PTPN2: variants seen among roughly 807,000 people sequenced by gnomAD.
PTPN2 encodes the protein tyrosine-protein phosphatase non-receptor type 2.
In PTPN2, 19 loss-of-function variants were observed where a neutral mutation model predicts 57.3. The observed-to-expected ratio is 0.33, with a 90% CI of 0.23 to 0.49. The LOEUF is 0.49. Ranked by LOEUF, PTPN2 falls within the 20% of genes least tolerant of loss-of-function variation. The pLI is 0.99. For synonymous variants in PTPN2, 153 were observed against 164.9 expected (o/e 0.93, Z 0.55); for missense variants, 358 against 501.1 (o/e 0.71, Z 2.73).
At chr18:12,877,607 T>C (rs1418581297) in intron 1 of PTPN2, among the ~76,000 whole-genome samples, 1 of 152,194 alleles carries the variant, frequency 6.6e-6, no homozygotes, top group Non-Finnish European at 1.5e-5. Context: ...GCTGCCCCGC[T>C]GTAAGTATGA....
intron 2 of PTPN2, among the ~76,000 whole-genome samples, chr18:12,853,197 T>A (rs1237477205): frequency 6.6e-6 from 1 of 152,238 alleles, no homozygotes; most frequent in African/African-American, 2.4e-5. Flanking sequence ...TCACCCAAGC[T>A]GGAGTGCACT....
At chr18:12,875,964 A>G (rs563254843) in intron 1 of PTPN2, among the ~76,000 whole-genome samples, 1 of 152,306 alleles carries the variant, frequency 6.6e-6, no homozygotes, top group African/African-American at 2.4e-5. Flanking sequence ...CCCCAGCATT[A>G]TGGAAGGGTG....
intron 2 of PTPN2, among the ~76,000 whole-genome samples, chr18:12,846,731 G>A (rs1055870982): frequency 4.6e-5 from 7 of 152,138 alleles, no homozygotes; most frequent in East Asian, 1.9e-4. Flanking sequence ...ATCAGCTATC[G>A]CTGCTCTCAA....
chr18:12,824,931 A>T (rs641085), intron 5 of PTPN2, among the ~76,000 whole-genome samples: 54,440 of 151,992 alleles, frequency 0.36, 11,276 homozygotes, highest in Middle Eastern at 0.47. Flanking sequence ...ATTAAAAAAA[A>T]ATAAGAAAAT....
At chr18:12,864,540 T>C (rs943463415) in intron 1 of PTPN2, among the ~76,000 whole-genome samples, 10 of 151,634 alleles carry the variant, frequency 6.6e-5, no homozygotes, top group Non-Finnish European at 5.9e-5. Flanking sequence ...GGACCACAAA[T>C]GCCCGCCACC....
intron 2 of PTPN2, among the ~76,000 whole-genome samples, chr18:12,844,513 T>A (rs2043151754): frequency 1.3e-5 from 2 of 152,238 alleles, no homozygotes. Context: ...TAATTTGCAT[T>A]TTCCTAATGG....
At position 12,837,790 on chromosome 18, in the gene PTPN2, T is replaced by G. The variant is rs2042917235; in HGVS notation, c.161-899A>C. 2.6e-5 allele frequency among the ~76,000 whole-genome samples: 4 copies of G among 152,186 alleles called. No individual in the cohort carries two copies. In the South Asian group the frequency reaches 8.3e-4, roughly 31 times the overall value. ...TCTCCTTACTTTTAAATGAAAAAAC[T>G]GTTTATATTATCTCCATATGAAAGA... On this transcript the variant is annotated intron_variant, in intron 2 of 8. Coordinates refer to ENST00000309660, the MANE Select transcript of PTPN2 (RefSeq NM_002828.4).
In PTPN2 at chr18:12,793,823, C is replaced by A. The variant is rs1023889396; in HGVS notation, c.*455G>T. 10 of 955,030 alleles carry A rather than the reference C, an allele frequency of 1.0e-5. No homozygotes were observed. The highest frequency in any genetic ancestry group is 1.2e-5 in the Non-Finnish European group (10 of 800,250). 59.2% of individuals were successfully genotyped at this position (955,030 alleles called of 1,614,324 possible). On this transcript the variant is annotated 3_prime_UTR_variant, in exon 9 of 9. Transcript: ENST00000309660. The stretch of plus-strand genomic sequence containing the variant: ...ATGCTTAAGAATAAAAGTGTTGATG[C>A]CCATGTCAATAGTACATTATACATT...
At chr18:12,854,142 T>C (rs922186223) in intron 2 of PTPN2, among the ~76,000 whole-genome samples, 5 of 152,000 alleles carry the variant, frequency 3.3e-5, no homozygotes. Flanking sequence ...GTGGACTACA[T>C]GAGTCCAGGA....
intron 7 of PTPN2, among the ~76,000 whole-genome samples, chr18:12,805,886 C>A (rs2847304): frequency 3.3e-5 from 5 of 151,830 alleles, no homozygotes; most frequent in Admixed American, 6.6e-5. Flanking sequence ...TCTCAGCCCC[C>A]CAAAGTGCTG....
At chr18:12,874,240 CGGGA>C (rs1317010508) in intron 1 of PTPN2, among the ~76,000 whole-genome samples, 1 of 144,488 alleles carries the variant, frequency 6.9e-6, no homozygotes, top group African/African-American at 2.6e-5. Context: ...CCGCCCCGTC[CGGGA>C]GGGAGGTGGG....
At chr18:12,877,954 T>C (rs1248827072) in intron 1 of PTPN2, among the ~76,000 whole-genome samples, 4 of 151,778 alleles carry the variant, frequency 2.6e-5, no homozygotes, top group Non-Finnish European at 4.4e-5. Flanking sequence ...GGCGTGAACC[T>C]GGGAGGCAGA....
intron 5 of PTPN2, among the ~76,000 whole-genome samples, chr18:12,822,648 G>C (rs1355588566): frequency 1.3e-5 from 2 of 152,152 alleles, no homozygotes; most frequent in Non-Finnish European, 2.9e-5. Flanking sequence ...GACTCCCTTA[G>C]ATGCAAACTG....
chr18:12,837,367 C>T (rs1352252274), intron 2 of PTPN2, among the ~76,000 whole-genome samples: 1 of 152,044 alleles, frequency 6.6e-6, no homozygotes, highest in Non-Finnish European at 1.5e-5. Flanking sequence ...TAGCACTGAA[C>T]TGTGTTTAGG....
chr18:12,789,899 T>C (rs2040940472), downstream of PTPN2, among the ~76,000 whole-genome samples: 1 of 152,020 alleles, frequency 6.6e-6, no homozygotes, highest in African/African-American at 2.4e-5. Context: ...TGTATGTATA[T>C]ATGTATTATG....
chr18:12,785,665 A>G (rs1358301981), exon 10 of PTPN2: 1 of 692,446 alleles, frequency 1.4e-6, no homozygotes, highest in African/African-American at 1.8e-5. Context: ...GGTGCTCTTC[A>G]TCCCCTGGAT....
chr18:12,852,434 A>G (rs2043431096), intron 2 of PTPN2, among the ~76,000 whole-genome samples: 2 of 152,216 alleles, frequency 1.3e-5, no homozygotes, highest in Admixed American at 1.3e-4. Flanking sequence ...GTTCTTGTCC[A>G]TCTCTTCTAC....
chr18:12,868,915 C>T (rs2044090282), intron 1 of PTPN2: 1 of 152,068 alleles, frequency 6.6e-6, no homozygotes, highest in African/African-American at 2.4e-5. Flanking sequence ...TTTGCGGGGC[C>T]CAGGCAGGCG....
chr18:12,836,094 G>C (rs940516031), intron 3 of PTPN2, among the ~76,000 whole-genome samples: 4 of 152,030 alleles, frequency 2.6e-5, no homozygotes, highest in Non-Finnish European at 5.9e-5. Context: ...AAATATTATG[G>C]TATATCTTTT....
Sources: allele counts gnomAD v4.1 joint callset (sites outside exome capture counted in the v4.1 genomes callset), GRCh38; gene constraint gnomAD v4.1.1; transcripts MANE v1.5; gene names NCBI Gene and HGNC (gene_info 2026-07-23, HGNC 2026-07-21).